Variants in CLCN6 observed in about 807,000 individuals in gnomAD.
CLCN6 encodes Cl-/H+ antiporter 6, also known as H(+)/Cl(-) exchange transporter 6.
CLCN6 carries 70 observed loss-of-function variants against 109.8 expected under a neutral mutation model. The observed-to-expected ratio is 0.64, with a 90% CI of 0.53 to 0.78. CLCN6 has a LOEUF of 0.78. Among genes scored for constraint, CLCN6 ranks in the 30% least tolerant of loss-of-function variants. CLCN6 has a pLI of 0.00. For missense variants in CLCN6, 984 were observed against 1,142.3 expected, an observed-to-expected ratio of 0.86 and a Z score of 2.00; for synonymous variants, 444 against 447.8, an observed-to-expected ratio of 0.99 and a Z score of 0.11.
intron 17 of CLCN6, among the ~76,000 whole-genome samples, chr1:11,835,590 T>C (rs1174617842): frequency 2.0e-5 from 3 of 152,036 alleles, no homozygotes; most frequent in African/African-American, 7.2e-5. Flanking sequence ...ATTTACCCAG[T>C]TGTGGTAAAT....
chr1:11,812,774 C>T (rs1644618689), intron 2 of CLCN6, among the ~76,000 whole-genome samples: 1 of 148,786 alleles, frequency 6.7e-6, no homozygotes, highest in African/African-American at 2.5e-5. Flanking sequence ...AACTCTCCAC[C>T]CTCACACTTT....
chr1:11,834,206 A>T lies in CLCN6; in HGVS notation c.1527-30A>T. On this transcript the variant is annotated intron_variant, in intron 15 of 22. Transcript: ENST00000346436. This position sits in a 1 kb window ranked among gnomAD's most constrained non-coding sequence, Gnocchi z 4.5. ...CCCACAGCCTATCAGTGTGGTTCAA[A>T]GCCATGTTCTCGGTGTTTTCCTTCA... 6.2e-7 allele frequency: 1 copy of T among 1,602,958 alleles called. No homozygotes were observed. The highest frequency in any genetic ancestry group is 1.3e-5 in the African/African-American group (1 of 74,194).
chr1:11,807,811 A>T (rs192511521), intron 2 of CLCN6, among the ~76,000 whole-genome samples: 1 of 152,352 alleles, frequency 6.6e-6, no homozygotes, highest in East Asian at 1.9e-4. Context: ...GTATCTTTCT[A>T]CATCCTTACC....
chr1:11,827,211 C>G lies in CLCN6; in HGVS notation c.830C>G (p.Thr277Arg), dbSNP rs778956530. ...TCGTCCTTCTGGAACCAAGGGCTCA[C>G]GTGGAAAGTGGTGAGGAGGACCTTC... ...EGSSFWNQGL[T>R]WKVLFCSMSA... The change falls in exon 10 of 23, where the codon ACG (threonine) becomes AGG (arginine). Residue 277 changes from threonine (T) to arginine (R), a missense_variant. By Grantham distance (71) the Thr-to-Arg change is moderately conservative. Transcript: ENST00000346436. 3.7e-6 allele frequency: 6 copies of G among 1,611,804 alleles called. No homozygotes were observed. The highest frequency in any genetic ancestry group is 2.5e-6 in the Non-Finnish European group (3 of 1,178,736).
rs1317197925 is a variant in CLCN6, at chr1:11,837,158, T to TG, written c.2138+3dup. The TG allele has an allele frequency of 1.9e-6, 3 of 1,611,130 alleles. No individual in the cohort carries two copies. Among genetic ancestry groups the TG allele is most frequent in the Non-Finnish European group, 2.5e-6 (3 of 1,179,562 alleles). ...CCTGCAGCAGATGCTGGAAAGGAGG[T>TG]GAGAGCCTGGCGGGGCCCCCACTGC... is the stretch of plus-strand genomic sequence containing the variant. On this transcript the variant is annotated splice_region_variant and intron_variant, in intron 19 of 22. Transcript: ENST00000346436.
chr1:11,807,495 T>G (rs1221286756), intron 2 of CLCN6, among the ~76,000 whole-genome samples: 2 of 152,250 alleles, frequency 1.3e-5, no homozygotes, highest in East Asian at 3.8e-4. Flanking sequence ...TGAAAGGCAC[T>G]GGCAGGCAGT....
Position 11,842,322 on chromosome 1 carries a change from T to C in CLCN6, c.*2099T>C, listed in dbSNP as rs1364464846. 2.0e-5 allele frequency: 3 copies of C among 152,638 alleles called. No homozygotes were observed. The highest frequency in any genetic ancestry group is 7.2e-5 in the African/African-American group (3 of 41,444). The allele number at this position is 152,638 out of a possible 1,614,324, so 9.5% of individuals were successfully genotyped here. A position where few individuals can be genotyped will look rare whatever the true frequency, so the allele number is the denominator to read the frequency against. On this transcript the variant is annotated 3_prime_UTR_variant, in exon 23 of 23. Transcript: ENST00000346436. ...ATCAGTTTAGCCCAGAGATAGACAG[T>C]AGAATGCAAATACCTCCCTCCCCTA...
In CLCN6 at chr1:11,833,919, A is replaced by G; in HGVS notation, c.1415A>G (p.Tyr472Cys). ...ACTCTGGCCTTGTTCTTCGTTCTCT[A>G]TTTCTTGCTTGCATGTTGGACTTAC... ...PVTLALFFVL[Y>C]FLLACWTYGI... The change falls in exon 15 of 23, where the codon TAT becomes TGT. Residue 472 changes from tyrosine to cysteine, a missense_variant. Physicochemically the swap from Tyr to Cys is radical, Grantham distance 194. Coordinates refer to ENST00000346436, the MANE Select transcript of CLCN6 (RefSeq NM_001286.5). The G allele has an allele frequency of 1.3e-5, 21 of 1,613,546 alleles. No individual in the cohort carries two copies. The highest frequency in any genetic ancestry group is 1.8e-5 in the Non-Finnish European group (21 of 1,179,902).
chr1:11,816,774 ATTATAACAT>A (rs1644678655), intron 4 of CLCN6, 94 bp downstream of exon 4: 2 of 831,614 alleles, frequency 2.4e-6, no homozygotes, highest in East Asian at 2.9e-5. Flanking sequence ...GTCATTTGTC[ATTATAACAT>A]TTATAACATT....
chr1:11,824,523 T>C lies in CLCN6; in HGVS notation c.618T>C (p.Ser206=), dbSNP rs1644787238. 1 of 1,613,512 alleles carries C rather than the reference T, an allele frequency of 6.2e-7. No individual in the cohort carries two copies. Among genetic ancestry groups the C allele is most frequent in the Non-Finnish European group, 8.5e-7 (1 of 1,179,720 alleles). Reference sequence around the variant, plus strand: ...AGAAGGAAGGCCCCATGATCCACAGTGGTTCGGTGGTGGGAGCTGGCCTCC... The same window carrying C: ...AGAAGGAAGGCCCCATGATCCACAGCGGTTCGGTGGTGGGAGCTGGCCTCC... ...FVEKEGPMIH[S]GSVVGAGLPQ... is the part of the protein sequence containing the mutation. Residue 206 remains serine (S), a synonymous_variant, in exon 8 of 23, where the codon AGT becomes AGC. Coordinates refer to ENST00000346436, the MANE Select transcript of CLCN6 (RefSeq NM_001286.5).
At chr1:11,816,285 A>C (rs888354463) in intron 3 of CLCN6, among the ~76,000 whole-genome samples, 5 of 152,240 alleles carry the variant, frequency 3.3e-5, no homozygotes, top group Non-Finnish European at 7.3e-5. Context: ...CTGGGTAACC[A>C]AAACACTCGT....
intron 10 of CLCN6, 152 bp from the exon 11 acceptor site, chr1:11,827,954 G>A: frequency 1.5e-6 from 1 of 683,668 alleles, no homozygotes; most frequent in East Asian, 2.5e-5. Flanking sequence ...TCATACCTGG[G>A]GTGTATCTAC....
chr1:11,830,764 T>TCTAC (rs1644871587), intron 13 of CLCN6, among the ~76,000 whole-genome samples: 1 of 115,612 alleles, frequency 8.6e-6, no homozygotes, highest in African/African-American at 3.7e-5. Flanking sequence ...TATATATATA[T>TCTAC]ACACACACAC....
In CLCN6 at chr1:11,806,325, T is replaced by C; in HGVS notation, c.63T>C (p.Arg21=). The C allele has an allele frequency of 6.6e-7, 1 of 1,513,890 alleles. No individual in the cohort carries two copies. The highest frequency in any genetic ancestry group is 8.7e-7 in the Non-Finnish European group (1 of 1,143,276). 93.8% of individuals were successfully genotyped at this position (1,513,890 alleles called of 1,614,324 possible). The change falls in exon 1 of 23, where the codon CGT becomes CGC. Residue 21 remains arginine (R), a synonymous_variant. Coordinates refer to ENST00000346436, the MANE Select transcript of CLCN6 (RefSeq NM_001286.5). Reference sequence around the variant, plus strand: ...GGTGGTGCTGCTGCTGCGGTGAGCGTGAGACCCGCACCCCCGAGGAGCTGG... The same window carrying C: ...GGTGGTGCTGCTGCTGCGGTGAGCGCGAGACCCGCACCCCCGAGGAGCTGG... ...CCRWCCCCGE[R]ETRTPEELTI...
At position 11,838,542 on chromosome 1, in the gene CLCN6, C is replaced by T. The variant is rs757618672; in HGVS notation, c.2411C>T (p.Thr804Ile). The T allele has an allele frequency of 1.9e-6, 3 of 1,608,778 alleles. No homozygotes were observed. The highest frequency in any genetic ancestry group is 2.6e-6 in the Non-Finnish European group (3 of 1,175,608). ...LLNPRMIVDV[T>I]PYMNPSPFTV... ...CACGTGGTCTCTTTGCAGGATGTCA[C>T]CCCATACATGAACCCTTCGCCTTTC... Residue 804 changes from threonine to isoleucine, a missense_variant, in exon 22 of 23, where the codon ACC becomes ATC. Thr to Ile is a moderately conservative substitution (Grantham distance 89). Coordinates refer to ENST00000346436, the MANE Select transcript of CLCN6 (RefSeq NM_001286.5).
In CLCN6 at chr1:11,833,496, T is replaced by G; in HGVS notation, c.1249-19T>G. 6.2e-7 allele frequency: 1 copy of G among 1,613,226 alleles called. No individual in the cohort carries two copies. The highest frequency in any genetic ancestry group is 1.1e-5 in the South Asian group (1 of 91,034). ...AAGTCAGGTGTCCTTGTACTGATTT[T>G]CTGATTCCTTCTTCTCAGGTCACAG... On this transcript the variant is annotated intron_variant, in intron 13 of 22. Transcript: ENST00000346436.
chr1:11,818,964 A>G (rs531697759), intron 4 of CLCN6, among the ~76,000 whole-genome samples: 1 of 152,380 alleles, frequency 6.6e-6, no homozygotes, highest in African/African-American at 2.4e-5. Context: ...CTAATAAGGA[A>G]CATGCAAAAA....
In CLCN6 at chr1:11,841,819, T is replaced by C. The variant is rs915956632; in HGVS notation, c.*1596T>C. 4 of 152,242 alleles carry C rather than the reference T, an allele frequency of 2.6e-5. No individual in the cohort carries two copies. Among genetic ancestry groups the C allele is most frequent in the African/African-American group, 9.6e-5 (4 of 41,452 alleles). The allele number at this position is 152,242 out of a possible 1,614,324, so 9.4% of individuals were successfully genotyped here. ...CTGCTTCAAGGTCTTTTCTAGCTGATTGTGGCCCCTCCATTTTCCCCATTT... is the reference window on the plus strand; with the variant it reads ...CTGCTTCAAGGTCTTTTCTAGCTGACTGTGGCCCCTCCATTTTCCCCATTT... On this transcript the variant is annotated 3_prime_UTR_variant, in exon 23 of 23. Coordinates refer to ENST00000346436, the MANE Select transcript of CLCN6 (RefSeq NM_001286.5).
chr1:11,809,235 A>G (rs1446166729), intron 2 of CLCN6, among the ~76,000 whole-genome samples: 2 of 152,062 alleles, frequency 1.3e-5, no homozygotes, highest in African/African-American at 4.8e-5. Flanking sequence ...AAGATACTCC[A>G]TATTGTTCTG....
Sources: gnomAD v4.1 joint callset for allele counts (sites outside exome capture counted in the v4.1 genomes callset) on GRCh38, gnomAD v4.1.1 for gene constraint, Gnocchi (gnomAD v3.1) non-coding constraint, MANE v1.5 for transcripts, NCBI Gene and HGNC (gene_info 2026-07-23, HGNC 2026-07-21) for gene names.